The following PAK1 variants were observed in gnomAD, a reference collection of about 807,000 sequenced individuals.
PAK1 encodes serine/threonine-protein kinase PAK 1.
PAK1 carries 29 observed loss-of-function variants against 67.4 expected under a neutral mutation model. The ratio of observed to expected loss-of-function variants is 0.43; its 90% confidence interval spans 0.32 to 0.59. The LOEUF is 0.59. Among genes scored for constraint, PAK1 ranks in the 20% least tolerant of loss-of-function variants. The pLI is 0.07. For synonymous variants in PAK1, 223 were observed against 237.4 expected (o/e 0.94, Z 0.56); for missense variants, 337 against 670.7 (o/e 0.50, Z 5.50).
chr11:77,350,512 C>T (rs1591832815), intron 8 of PAK1, among the ~76,000 whole-genome samples: 1 of 152,110 alleles, frequency 6.6e-6, no homozygotes, highest in African/African-American at 2.4e-5. Context: ...ACCATAAACC[C>T]TGTGTATTTG....
intron 8 of PAK1, among the ~76,000 whole-genome samples, chr11:77,351,544 C>T (rs1216384367): frequency 1.3e-5 from 2 of 151,978 alleles, no homozygotes; most frequent in East Asian, 3.9e-4. Flanking sequence ...TGTTAAATAC[C>T]TTACACCAGT....
At chr11:77,490,342 C>T in the PAK1 span, among the ~76,000 whole-genome samples, 1 of 142,664 alleles carries the variant, frequency 7.0e-6, no homozygotes, top group African/African-American at 2.8e-5. Context: ...GGGGGTCAGC[C>T]CCCCACCCGG....
At chr11:77,485,367 C>CA in the PAK1 span, among the ~76,000 whole-genome samples, 1 of 151,986 alleles carries the variant, frequency 6.6e-6, no homozygotes, top group African/African-American at 2.4e-5. Flanking sequence ...GTGATGGATA[C>CA]CTCATTTACA....
At chr11:77,460,629 T>C (rs570659082) in intron 1 of PAK1, among the ~76,000 whole-genome samples, 56 of 151,944 alleles carry the variant, frequency 3.7e-4, no homozygotes, top group African/African-American at 1.3e-3. Flanking sequence ...GGTAACTCAG[T>C]AGAAGGCAAA....
At chr11:77,387,486 A>G (rs1341327585) in intron 2 of PAK1, among the ~76,000 whole-genome samples, 2 of 152,230 alleles carry the variant, frequency 1.3e-5, no homozygotes, top group Non-Finnish European at 2.9e-5. Flanking sequence ...ACTTAGTTCC[A>G]TACTCAGCTC....
chr11:77,379,389 C>A lies in PAK1; in HGVS notation c.292-1G>T. 1 of 1,611,858 alleles carries A rather than the reference C, an allele frequency of 6.2e-7. No homozygotes were observed. The highest frequency in any genetic ancestry group is 1.1e-5 in the South Asian group (1 of 90,828). Reference sequence around the variant, plus strand: ...AGCGGGCCCACTGCTCTGGCATTCCCTGTAAGAGAGACATGCAAGACTAAC... The same window carrying A: ...AGCGGGCCCACTGCTCTGGCATTCCATGTAAGAGAGACATGCAAGACTAAC... On this transcript the variant is annotated splice_acceptor_variant, in intron 3 of 14. Coordinates refer to ENST00000356341, the MANE Select transcript of PAK1 (RefSeq NM_002576.5). LOFTEE classifies it high-confidence loss of function.
intron 9 of PAK1, among the ~76,000 whole-genome samples, chr11:77,348,194 C>G (rs952631320): frequency 6.6e-6 from 1 of 152,204 alleles, no homozygotes; most frequent in Non-Finnish European, 1.5e-5. Flanking sequence ...GCCTCCCTCA[C>G]AGAAGCCCAA....
At chr11:77,454,448 C>T (rs1462883765) in intron 1 of PAK1, among the ~76,000 whole-genome samples, 1 of 152,190 alleles carries the variant, frequency 6.6e-6, no homozygotes, top group East Asian at 1.9e-4. Flanking sequence ...ATCCGTCTTT[C>T]CAGTTTTGAA....
chr11:77,350,539 A>G (rs1945097972), intron 8 of PAK1, among the ~76,000 whole-genome samples: 1 of 152,248 alleles, frequency 6.6e-6, no homozygotes, highest in African/African-American at 2.4e-5. Flanking sequence ...AGTAATTTGT[A>G]ACACATATTT....
intron 1 of PAK1, among the ~76,000 whole-genome samples, chr11:77,444,766 T>G (rs1199935335): frequency 1.3e-5 from 2 of 152,174 alleles, no homozygotes; most frequent in African/African-American, 4.8e-5. Context: ...TGAAGTTGTC[T>G]TTTTCCTCCA....
At chr11:77,323,922 T>C (rs1179914790) in intron 14 of PAK1, among the ~76,000 whole-genome samples, 2 of 152,194 alleles carry the variant, frequency 1.3e-5, no homozygotes, top group East Asian at 1.9e-4. Flanking sequence ...AAGGTATTAA[T>C]AGATCATGAC....
chr11:77,344,817 A>G (rs2852385), intron 9 of PAK1, among the ~76,000 whole-genome samples: 37,413 of 152,114 alleles, frequency 0.25, 5,689 homozygotes, highest in South Asian at 0.46. Context: ...AAAAACTTAC[A>G]TGGCTCCTGG....
At chr11:77,379,461 T>C in intron 3 of PAK1, 73 bp from the exon 4 acceptor site, 1 of 1,440,642 alleles carries the variant, frequency 6.9e-7, no homozygotes, top group Non-Finnish European at 9.5e-7. Flanking sequence ...CAGAGCTAAC[T>C]TTGACACTTG....
intron 1 of PAK1, among the ~76,000 whole-genome samples, chr11:77,414,467 G>A (rs1252655838): frequency 1.3e-5 from 2 of 152,192 alleles, no homozygotes; most frequent in Non-Finnish European, 2.9e-5. Context: ...TATTTTTATA[G>A]ATACAACTAT....
rs145693683 is a variant in PAK1, at chr11:77,325,042, T to C, written c.1552-1682A>G. ...GAAACAGATGTGAAGCTTTTATGAT[T>C]TGTGATTCTCAAAGTCATGGTTTTC... is the stretch of plus-strand genomic sequence containing the variant. On this transcript the variant is annotated intron_variant, in intron 14 of 14. Transcript: ENST00000356341. 1.5e-3 allele frequency among the ~76,000 whole-genome samples: 222 copies of C among 152,358 alleles called. 5 individuals carry two copies. Among genetic ancestry groups the C allele is most frequent in the African/African-American group, 5.2e-3 (215 of 41,588 alleles).
intron 1 of PAK1, among the ~76,000 whole-genome samples, chr11:77,449,070 A>T (rs779430898): frequency 6.6e-6 from 1 of 152,242 alleles, no homozygotes; most frequent in Non-Finnish European, 1.5e-5. Flanking sequence ...TACGTTTTGA[A>T]ATTAACCCAG....
intron 1 of PAK1, among the ~76,000 whole-genome samples, chr11:77,446,217 A>C (rs1248339659): frequency 6.6e-6 from 1 of 152,182 alleles, no homozygotes; most frequent in Admixed American, 6.5e-5. Flanking sequence ...CTTTATTAAG[A>C]AGCTCAGACC....
chr11:77,496,124 T>C, the PAK1 span, among the ~76,000 whole-genome samples: 7 of 151,678 alleles, frequency 4.6e-5, no homozygotes, highest in Admixed American at 2.0e-4. Flanking sequence ...GTTCAAGTAA[T>C]TCTTCTGCCT....
chr11:77,484,217 A>AT, the PAK1 span, among the ~76,000 whole-genome samples: 2 of 147,568 alleles, frequency 1.4e-5, no homozygotes, highest in Admixed American at 1.4e-4. Context: ...AAAGTTATCC[A>AT]TAAAAAAAAA....
Sources: gnomAD v4.1 joint callset for allele counts (sites outside exome capture counted in the v4.1 genomes callset) on GRCh38, gnomAD v4.1.1 for gene constraint, MANE v1.5 for transcripts, NCBI Gene and HGNC (gene_info 2026-07-23, HGNC 2026-07-21) for gene names.